The following LRRK1 variants were observed in gnomAD, a reference collection of about 807,000 sequenced individuals.
The protein encoded by LRRK1 is leucine rich repeat kinase 1.
A neutral mutation model predicts 209.1 loss-of-function variants in LRRK1; 113 were observed. That is an observed-to-expected ratio of 0.54 (90% CI 0.46 to 0.63). LRRK1 has a LOEUF of 0.63. LRRK1 is among the 30% of genes least tolerant of loss of function. The probability of loss-of-function intolerance (pLI) is 0.00; values close to 1 mark genes in which losing one functional copy is unlikely to be tolerated. For synonymous variants in LRRK1, 1,144 were observed against 1,099.7 expected (o/e 1.04, Z -0.80); for missense variants, 2,284 against 2,632.2 (o/e 0.87, Z 2.89).
At chr15:100,954,415 T>C (rs1389308857) in intron 2 of LRRK1, among the ~76,000 whole-genome samples, 1 of 152,230 alleles carries the variant, frequency 6.6e-6, no homozygotes, top group Non-Finnish European at 1.5e-5. Flanking sequence ...CCTTATCAGA[T>C]ATATGGTTTG....
chr15:101,019,729 T>A (rs556772302), intron 12 of LRRK1, among the ~76,000 whole-genome samples: 27 of 152,314 alleles, frequency 1.8e-4, no homozygotes, highest in Non-Finnish European at 3.5e-4. Context: ...GGGAACCCTA[T>A]GAGAGGGCTT....
chr15:100,922,120 T>G (rs961182006), intron 1 of LRRK1, among the ~76,000 whole-genome samples: 1 of 152,218 alleles, frequency 6.6e-6, no homozygotes, highest in African/African-American at 2.4e-5. Flanking sequence ...AAACCATCAT[T>G]ACTGCTGAAA....
chr15:101,051,805 C>T lies in LRRK1; in HGVS notation c.3534C>T (p.Pro1178=), dbSNP rs2035460886. Residue 1178 remains proline (P), a synonymous_variant, in exon 24 of 34, where the codon CCC becomes CCT. Coordinates refer to ENST00000388948, the MANE Select transcript of LRRK1 (RefSeq NM_024652.6). ...CETAWAQHTD[P]SEKSEDVQYF... ...CAGCCTGGGCCCAGCACACGGACCCCAGTGAGAAATCAGAGGATGTGCAGT... is the reference window on the plus strand; with the variant it reads ...CAGCCTGGGCCCAGCACACGGACCCTAGTGAGAAATCAGAGGATGTGCAGT... The T allele has an allele frequency of 6.2e-7, 1 of 1,614,122 alleles. No homozygotes were observed. The highest frequency in any genetic ancestry group is 8.5e-7 in the Non-Finnish European group (1 of 1,180,032).
chr15:101,019,287 C>T (rs968803903), intron 12 of LRRK1, among the ~76,000 whole-genome samples: 5 of 152,036 alleles, frequency 3.3e-5, no homozygotes, highest in African/African-American at 1.2e-4. Context: ...AATGTGTTCT[C>T]TGGGGAGAAA....
chr15:101,028,881 G>T, intron 19 of LRRK1, 75 bp from the exon 20 acceptor site: 1 of 1,476,682 alleles, frequency 6.8e-7, no homozygotes, highest in Non-Finnish European at 9.2e-7. Flanking sequence ...GGGTCCTCTT[G>T]GAAAGAGGGC....
chr15:100,920,272 A>G (rs1221060417), intron 1 of LRRK1: 2 of 152,296 alleles, frequency 1.3e-5, no homozygotes, highest in Non-Finnish European at 2.9e-5. Context: ...AAACGGGGGC[A>G]TATAGCTTTC....
intron 16 of LRRK1, 128 bp from the exon 17 acceptor site, chr15:101,025,837 G>A (rs1347856106): frequency 1.1e-6 from 1 of 906,010 alleles, no homozygotes; most frequent in South Asian, 1.6e-5. Context: ...CCGTCTCAAG[G>A]CTGCAGATTG....
chr15:100,931,728 C>T (rs2042215737), intron 2 of LRRK1, among the ~76,000 whole-genome samples: 1 of 152,192 alleles, frequency 6.6e-6, no homozygotes, highest in Non-Finnish European at 1.5e-5. Context: ...TGGGCCGTCA[C>T]TCCAGTCTCT....
chr15:100,989,583 G>A (rs959369514), intron 6 of LRRK1, 185 bp downstream of exon 6: 2 of 623,026 alleles, frequency 3.2e-6, no homozygotes, highest in East Asian at 5.5e-5. Flanking sequence ...GAAGGTGGAG[G>A]GCAAGAGACC....
At chr15:100,938,471 CA>C (rs1289996590) in intron 2 of LRRK1, among the ~76,000 whole-genome samples, 1 of 152,050 alleles carries the variant, frequency 6.6e-6, no homozygotes, top group South Asian at 2.1e-4. Flanking sequence ...TTTTTGAAAA[CA>C]GACCACAAAC....
rs546407050 is a variant in LRRK1 at position 101,058,142 on chromosome 15, G to C, written c.4679+1G>C. 6.2e-7 allele frequency: 1 copy of C among 1,614,006 alleles called. No homozygotes were observed. Among genetic ancestry groups the C allele is most frequent in the African/African-American group, 1.3e-5 (1 of 75,028 alleles). ...TTTGGGATGGAAAAGAGGAGTCCAG[G>C]TAAGCTCCTGCGGGCTGCCCTGCCC... On this transcript the variant is annotated splice_donor_variant, in intron 29 of 33. Transcript: ENST00000388948. LOFTEE classifies it high-confidence loss of function.
At position 101,076,892 on chromosome 15, in the gene LRRK1, T is replaced by C. The variant is rs2037005321; in HGVS notation, c.*8044T>C. On this transcript the variant is annotated 3_prime_UTR_variant, in exon 34 of 34. Coordinates refer to ENST00000388948, the MANE Select transcript of LRRK1 (RefSeq NM_024652.6). The stretch of plus-strand genomic sequence containing the variant: ...AAGGCCACCATGGTCATTTCTTCCC[T>C]TCTGTCAAACATAATTCCTCGGTTT... The C allele has an allele frequency of 6.6e-6, 1 of 152,244 alleles. No homozygotes were observed. The highest frequency in any genetic ancestry group is 1.9e-4 in the East Asian group (1 of 5,204). The allele number at this position is 152,244 out of a possible 1,614,324, so 9.4% of individuals were successfully genotyped here. A position where few individuals can be genotyped will look rare whatever the true frequency, so the allele number is the denominator to read the frequency against.
rs572219729 is a variant in LRRK1 at position 101,065,379 on chromosome 15, G to T, written c.4942G>T (p.Ala1648Ser). 1 of 1,613,814 alleles carries T rather than the reference G, an allele frequency of 6.2e-7. No individual in the cohort carries two copies. The highest frequency in any genetic ancestry group is 1.7e-5 in the Admixed American group (1 of 60,008). ...TTCCTACCTGGTCTTAGCGGGCCTCGCCGATGGGCTTGTGGCTGTGTTTCC... is the reference window on the plus strand; with the variant it reads ...TTCCTACCTGGTCTTAGCGGGCCTCTCCGATGGGCTTGTGGCTGTGTTTCC... Reference protein sequence around the residue: ...KNSYLVLAGLADGLVAVFPVV... With the variant: ...KNSYLVLAGLSDGLVAVFPVV... Residue 1648 changes from alanine to serine, a missense_variant, in exon 32 of 34, where the codon GCC becomes TCC. Ala to Ser is a moderately conservative substitution (Grantham distance 99). Transcript: ENST00000388948.
chr15:101,052,843 G>T, intron 24 of LRRK1, 79 bp from the exon 25 acceptor site: 1 of 1,498,536 alleles, frequency 6.7e-7, no homozygotes, highest in Non-Finnish European at 9.0e-7. Context: ...ACTCTCGGCC[G>T]TTGGGGCAAA....
chr15:100,940,736 C>A (rs2042385945), intron 2 of LRRK1, among the ~76,000 whole-genome samples: 1 of 152,218 alleles, frequency 6.6e-6, no homozygotes, highest in Non-Finnish European at 1.5e-5. Context: ...AAGCTGGAGC[C>A]TGAGATTCTG....
Position 101,053,203 on chromosome 15 carries a change from C to T in LRRK1, c.3857-20C>T, listed in dbSNP as rs1165472665. ...AGGCACCCCATGTCCTACTGGCTGACACTGCGCTGTCCCTGGCAGACACCA... is the reference window on the plus strand; with the variant it reads ...AGGCACCCCATGTCCTACTGGCTGATACTGCGCTGTCCCTGGCAGACACCA... On this transcript the variant is annotated intron_variant, in intron 25 of 33. Coordinates refer to ENST00000388948, the MANE Select transcript of LRRK1 (RefSeq NM_024652.6). The T allele has an allele frequency of 6.2e-7, 1 of 1,602,344 alleles. No individual in the cohort carries two copies. The highest frequency in any genetic ancestry group is 1.3e-5 in the African/African-American group (1 of 75,042).
chr15:101,024,854 G>T lies in LRRK1; in HGVS notation c.2119G>T (p.Ala707Ser). 1 of 1,614,138 alleles carries T rather than the reference G, an allele frequency of 6.2e-7. No homozygotes were observed. Among genetic ancestry groups the T allele is most frequent in the Non-Finnish European group, 8.5e-7 (1 of 1,179,982 alleles). ...GGACATCGGGGGACCGGCCAGCATG[G>T]CCACTGTCAACCAGTGCTTCTTCAC... ...VWDIGGPASMATVNQCFFTDK... is the reference protein window; with the variant it reads ...VWDIGGPASMSTVNQCFFTDK... The change falls in exon 16 of 34, where the codon GCC (alanine) becomes TCC (serine). Residue 707 changes from alanine (A) to serine (S), a missense_variant. Transcript: ENST00000388948. This position sits in a 1 kb window ranked among gnomAD's most constrained non-coding sequence, Gnocchi z 4.6.
chr15:101,022,513 G>A lies in LRRK1; in HGVS notation c.1983G>A (p.Gly661=). The A allele has an allele frequency of 6.2e-7, 1 of 1,614,218 alleles. No homozygotes were observed. Among genetic ancestry groups the A allele is most frequent in the Non-Finnish European group, 8.5e-7 (1 of 1,180,040 alleles). Residue 661 remains glycine, a synonymous_variant, in exon 15 of 34, where the codon GGG becomes GGA. Transcript: ENST00000388948. This position sits in a 1 kb window ranked among gnomAD's most constrained non-coding sequence, Gnocchi z 4.0. ...KSTLLEILQT[G]RAPQVVHGEA... ...CCCTCCTGGAGATCTTACAGACGGG[G>A]AGGGCCCCCCAGGTGGTGCATGGAG...
chr15:101,045,834 G>T, intron 20 of LRRK1, 147 bp from the exon 21 acceptor site: 1 of 652,714 alleles, frequency 1.5e-6, no homozygotes, highest in Non-Finnish European at 2.7e-6. Flanking sequence ...ACTAATAACA[G>T]AATTCCAAAG....
Sources: gnomAD v4.1 joint callset for allele counts (sites outside exome capture counted in the v4.1 genomes callset) on GRCh38, gnomAD v4.1.1 for gene constraint, Gnocchi (gnomAD v3.1) non-coding constraint, MANE v1.5 for transcripts, NCBI Gene and HGNC (gene_info 2026-07-23, HGNC 2026-07-21) for gene names.